FCRL6: variants seen among roughly 807,000 people sequenced by gnomAD.
FCRL6 encodes the protein Fc receptor-like protein 6.
Under a neutral mutation model 49.1 loss-of-function variants are expected in FCRL6, and 50 were observed. That is an observed-to-expected ratio of 1.02 (90% CI 0.81 to 1.29). The LOEUF (loss-of-function observed/expected upper bound fraction) is 1.29. Ranked by LOEUF, FCRL6 falls within the 50% of genes most tolerant of loss-of-function variation. The pLI, the probability that FCRL6 is intolerant of heterozygous loss-of-function variation, is 0.00. For missense variants in FCRL6, 571 were observed against 518.5 expected (o/e 1.10, Z -0.98); for synonymous variants, 213 against 199.6 (o/e 1.07, Z -0.57).
At chr1:159,804,955 C>G (rs914317116) in intron 1 of FCRL6, among the ~76,000 whole-genome samples, 4 of 152,188 alleles carry the variant, frequency 2.6e-5, no homozygotes, top group African/African-American at 9.7e-5. Flanking sequence ...ACCTTCACAA[C>G]TACACTGTAA....
At position 159,810,083 on chromosome 1, in the gene FCRL6, C is replaced by T. The variant is rs376774970; in HGVS notation, c.887-11C>T. 6.8e-6 allele frequency: 11 copies of T among 1,608,394 alleles called. No individual in the cohort carries two copies. The Admixed American group carries it at 1.9e-4, about 27-fold the overall frequency. Reference sequence around the variant, plus strand: ...CAGTGCTCATGGCCACCTTCTTCTCCCTGCTCCCAGGTTCTCAAGTCTTGT... The same window carrying T: ...CAGTGCTCATGGCCACCTTCTTCTCTCTGCTCCCAGGTTCTCAAGTCTTGT... On this transcript the variant is annotated splice_polypyrimidine_tract_variant and intron_variant, in intron 5 of 9. Coordinates refer to ENST00000368106, the MANE Select transcript of FCRL6 (RefSeq NM_001004310.3).
chr1:159,808,337 G>A lies in FCRL6; in HGVS notation c.212G>A (p.Gly71Glu), dbSNP rs1440984497. Residue 71 changes from glycine (G) to glutamate (E), a missense_variant, in exon 3 of 10, where the codon GGA becomes GAA. Transcript: ENST00000368106. ...AAGGAAAACCAGACTCTGTCCATGG[G>A]AGCAGCAACAGTGCAGAGCCGTGGC... ...FSKENQTLSM[G>E]AATVQSRGQY... 3 of 1,614,098 alleles carry A rather than the reference G, an allele frequency of 1.9e-6. No homozygotes were observed. Among genetic ancestry groups the A allele is most frequent in the East Asian group, 2.2e-5 (1 of 44,890 alleles).
chr1:159,808,019 C>A (rs1662810066), intron 2 of FCRL6, among the ~76,000 whole-genome samples, 159 bp from the exon 3 acceptor site: 1 of 152,066 alleles, frequency 6.6e-6, no homozygotes, highest in African/African-American at 2.4e-5. Context: ...AGGTCCTGCC[C>A]TTCTCTGGTC....
upstream of FCRL6, among the ~76,000 whole-genome samples, chr1:159,801,371 T>C (rs1662323538): frequency 6.6e-6 from 1 of 152,232 alleles, no homozygotes; most frequent in South Asian, 2.1e-4. Context: ...TTCCCACTAG[T>C]GGTGTACAAG....
intron 6 of FCRL6, among the ~76,000 whole-genome samples, chr1:159,810,966 A>G (rs1410608352): frequency 6.6e-6 from 1 of 152,230 alleles, no homozygotes; most frequent in Middle Eastern, 3.2e-3. Context: ...ATCTGAGAAG[A>G]TCACCCCAGC....
chr1:159,812,477 G>T (rs1449261339), intron 6 of FCRL6, among the ~76,000 whole-genome samples: 1 of 152,196 alleles, frequency 6.6e-6, no homozygotes, highest in Non-Finnish European at 1.5e-5. Flanking sequence ...CCACTTCAAA[G>T]TAGCACTCAC....
intron 6 of FCRL6, among the ~76,000 whole-genome samples, chr1:159,812,747 T>A (rs1008826627): frequency 6.6e-6 from 1 of 152,248 alleles, no homozygotes; most frequent in Non-Finnish European, 1.5e-5. Context: ...GTGATTCTGA[T>A]GCTTTCTAGC....
chr1:159,809,885 C>T (rs1662988486), intron 5 of FCRL6, among the ~76,000 whole-genome samples: 1 of 152,140 alleles, frequency 6.6e-6, no homozygotes, highest in Non-Finnish European at 1.5e-5. Flanking sequence ...TGGGGAGCCT[C>T]ACGGGGGGAG....
intron 6 of FCRL6, among the ~76,000 whole-genome samples, chr1:159,811,176 C>G (rs889030816): frequency 1.3e-5 from 2 of 152,224 alleles, no homozygotes; most frequent in Non-Finnish European, 2.9e-5. Flanking sequence ...AATGTTGGCT[C>G]TCAAAGCAAT....
intron 5 of FCRL6, 115 bp from the exon 6 acceptor site, chr1:159,809,979 C>G (rs941823926): frequency 7.5e-7 from 1 of 1,337,968 alleles, no homozygotes; most frequent in Non-Finnish European, 1.0e-6. Context: ...TGAGGCTCCC[C>G]CAGGCCAGAC....
chr1:159,812,961 G>A (rs1364144605), intron 6 of FCRL6, among the ~76,000 whole-genome samples: 4 of 152,156 alleles, frequency 2.6e-5, no homozygotes, highest in Non-Finnish European at 4.4e-5. Flanking sequence ...TATAGAAGTC[G>A]CCTCTCCCAG....
In FCRL6 at chr1:159,810,227, C is replaced by A; in HGVS notation, c.1009+11C>A. On this transcript the variant is annotated intron_variant, in intron 6 of 9. Coordinates refer to ENST00000368106, the MANE Select transcript of FCRL6 (RefSeq NM_001004310.3). ...CCTGGAGAAAAGCTGGTCAGTAACT[C>A]CTCTTGGCTTTCTTAGCTGCTGAAT... The A allele has an allele frequency of 6.2e-7, 1 of 1,608,704 alleles. No individual in the cohort carries two copies. Among genetic ancestry groups the A allele is most frequent in the South Asian group, 1.1e-5 (1 of 90,270 alleles).
At chr1:159,807,427 A>G (rs1662765401) in intron 2 of FCRL6, among the ~76,000 whole-genome samples, 1 of 152,042 alleles carries the variant, frequency 6.6e-6, no homozygotes, top group African/African-American at 2.4e-5. Context: ...ACAGATACAG[A>G]CTGGGGACAG....
chr1:159,809,297 T>G (rs1662928899), intron 4 of FCRL6, 52 bp downstream of exon 4: 2 of 1,525,070 alleles, frequency 1.3e-6, no homozygotes, highest in South Asian at 1.3e-5. Context: ...CGTCAGGCAG[T>G]GGGATCCCCT....
intron 1 of FCRL6, among the ~76,000 whole-genome samples, chr1:159,805,978 C>A (rs1267215030): frequency 6.6e-6 from 1 of 152,168 alleles, no homozygotes; most frequent in African/African-American, 2.4e-5. Context: ...CAATGGGATG[C>A]AAAGGAAAAC....
At chr1:159,810,651 G>A (rs978496038) in intron 6 of FCRL6, among the ~76,000 whole-genome samples, 5 of 152,032 alleles carry the variant, frequency 3.3e-5, no homozygotes, top group Non-Finnish European at 7.4e-5. Flanking sequence ...GGAGAAAGAA[G>A]ACAGAACTAC....
At chr1:159,811,670 C>A (rs1167730520) in intron 6 of FCRL6, among the ~76,000 whole-genome samples, 4 of 152,218 alleles carry the variant, frequency 2.6e-5, no homozygotes, top group Admixed American at 2.6e-4. Flanking sequence ...AACTTCCCAT[C>A]CCCACCCTTC....
upstream of FCRL6, chr1:159,800,689 GA>G (rs543892727): frequency 5.1e-5 from 67 of 1,313,534 alleles, no homozygotes; most frequent in South Asian, 7.1e-4. Flanking sequence ...CTGAGTCACC[GA>G]AAAAAATGCC....
At position 159,815,863 on chromosome 1, in the gene FCRL6, G is replaced by A. The variant is rs1663374815; in HGVS notation, c.*202G>A. On this transcript the variant is annotated 3_prime_UTR_variant, in exon 10 of 10. Coordinates refer to ENST00000368106, the MANE Select transcript of FCRL6 (RefSeq NM_001004310.3). ...AAGACCAACCAATGGAATGGGAAGG[G>A]AGATGCTCCCACCAACACACACACT... is the stretch of plus-strand genomic sequence containing the variant. 3.5e-6 allele frequency: 2 copies of A among 569,804 alleles called. No individual in the cohort carries two copies. The highest frequency in any genetic ancestry group is 1.9e-5 in the African/African-American group (1 of 53,146). The allele number at this position is 569,804 out of a possible 1,614,324, so 35.3% of individuals were successfully genotyped here.
Sources: gnomAD v4.1 joint callset for allele counts (sites outside exome capture counted in the v4.1 genomes callset) on GRCh38, gnomAD v4.1.1 for gene constraint, MANE v1.5 for transcripts, NCBI Gene and HGNC (gene_info 2026-07-23, HGNC 2026-07-21) for gene names.